The following GRIA3 variants were observed in gnomAD, a reference collection of about 807,000 sequenced individuals.
GRIA3 encodes the protein glutamate ionotropic receptor AMPA type subunit 3.
Under a neutral mutation model 63.0 loss-of-function variants are expected in GRIA3, and 3 were observed. The ratio of observed to expected loss-of-function variants is 0.05; its 90% CI spans 0.02 to 0.12. The LOEUF (loss-of-function observed/expected upper bound fraction) is 0.12. Among genes scored for constraint, GRIA3 ranks in the 10% least tolerant of loss-of-function variants. The probability of loss-of-function intolerance (pLI) is 1.00; values close to 1 mark genes in which losing one functional copy is unlikely to be tolerated. For synonymous variants in GRIA3, 274 were observed against 257.9 expected (o/e 1.06, Z -0.60); for missense variants, 347 against 700.9 (o/e 0.50, Z 5.70).
chrX:123,264,494 G>A (rs772393136), intron 3 of GRIA3, among the ~76,000 whole-genome samples: 1 of 111,365 alleles, frequency 9.0e-6, no homozygotes, highest in African/African-American at 3.3e-5. Flanking sequence ...GTTACAAAAA[G>A]CAGGAAAGGG....
chrX:123,281,067 T>C (rs777835337), intron 3 of GRIA3, among the ~76,000 whole-genome samples: 1 of 111,562 alleles, frequency 9.0e-6, no homozygotes, highest in South Asian at 3.8e-4. Context: ...ATTCTAGTTT[T>C]ACTATATTTG....
At chrX:123,329,470 C>T (rs1444848298) in intron 4 of GRIA3, among the ~76,000 whole-genome samples, 1 of 111,789 alleles carries the variant, frequency 8.9e-6, no homozygotes, top group Non-Finnish European at 1.9e-5. Flanking sequence ...CCCCAAACCT[C>T]TTTTTCTTTT....
intron 3 of GRIA3, among the ~76,000 whole-genome samples, chrX:123,292,829 C>A (rs1384096255): frequency 2.7e-5 from 3 of 111,064 alleles, no homozygotes; most frequent in Non-Finnish European, 3.8e-5. Flanking sequence ...AACTGTCTAC[C>A]AAATGTGATT....
intron 12 of GRIA3, among the ~76,000 whole-genome samples, chrX:123,446,607 G>A (rs1156794232): frequency 8.9e-6 from 1 of 112,465 alleles, no homozygotes; most frequent in Non-Finnish European, 1.9e-5. Context: ...ATTAAATCTT[G>A]CAAGTGACTT....
intron 11 of GRIA3, 31 bp downstream of exon 11, chrX:123,417,809 T>C (rs772350199): frequency 3.9e-4 from 443 of 1,136,140 alleles, no homozygotes; most frequent in Non-Finnish European, 5.1e-4. Flanking sequence ...CAATGCCTCA[T>C]TGCATTTTAT....
chrX:123,197,514 C>T (rs1192635830), intron 2 of GRIA3, among the ~76,000 whole-genome samples: 1 of 111,667 alleles, frequency 9.0e-6, no homozygotes, highest in African/African-American at 3.3e-5. Flanking sequence ...CAGAGTGAGA[C>T]TCCATCTCAA....
intron 2 of GRIA3, among the ~76,000 whole-genome samples, chrX:123,186,937 C>G (rs1449944215): frequency 8.9e-6 from 1 of 112,058 alleles, no homozygotes; most frequent in Non-Finnish European, 1.9e-5. Context: ...GGCTAATAGC[C>G]TGTTGGACAT....
At chrX:123,314,546 A>G (rs2044819407) in intron 3 of GRIA3, among the ~76,000 whole-genome samples, 1 of 112,056 alleles carries the variant, frequency 8.9e-6, no homozygotes, top group African/African-American at 3.2e-5. Flanking sequence ...GATGTTAAGT[A>G]AATCTACTCC....
chrX:123,426,818 T>C (rs1227497258), intron 11 of GRIA3, among the ~76,000 whole-genome samples: 1 of 112,497 alleles, frequency 8.9e-6, no homozygotes. Context: ...GTGGGTGCTG[T>C]TGAAGTAATG....
chrX:123,401,610 T>C (rs749793371), intron 7 of GRIA3, among the ~76,000 whole-genome samples: 61 of 112,188 alleles, frequency 5.4e-4, no homozygotes, highest in South Asian at 1.1e-3. Context: ...TGGACAATCA[T>C]CTTGTTTTCA....
intron 9 of GRIA3, 141 bp from the exon 10 acceptor site, chrX:123,404,567 C>T: frequency 2.2e-6 from 1 of 446,261 alleles, no homozygotes; most frequent in Non-Finnish European, 4.0e-6. Context: ...AATTAAAGCT[C>T]TTCTGTTTAC....
chrX:123,377,158 G>C (rs1247232251), intron 5 of GRIA3, among the ~76,000 whole-genome samples: 3 of 110,210 alleles, frequency 2.7e-5, no homozygotes, highest in South Asian at 3.9e-4. Context: ...GGATGGTCTC[G>C]ATCTCCTGAC....
intron 11 of GRIA3, among the ~76,000 whole-genome samples, chrX:123,418,520 G>A (rs762418889): frequency 2.7e-4 from 30 of 111,960 alleles, no homozygotes; most frequent in Non-Finnish European, 4.7e-4. Flanking sequence ...TAAAGGACTT[G>A]CATCCAGAAT....
At chrX:123,256,547 T>C (rs1311465146) in intron 3 of GRIA3, among the ~76,000 whole-genome samples, 1 of 111,397 alleles carries the variant, frequency 9.0e-6, no homozygotes, top group African/African-American at 3.3e-5. Context: ...GCAAAGGTCA[T>C]GTCGTATGGT....
intron 3 of GRIA3, among the ~76,000 whole-genome samples, chrX:123,290,186 A>G (rs766384170): frequency 3.9e-4 from 43 of 111,368 alleles, no homozygotes; most frequent in South Asian, 7.7e-4. Flanking sequence ...AATATTATCA[A>G]TTCATTACTT....
intron 5 of GRIA3, among the ~76,000 whole-genome samples, chrX:123,393,867 A>G (rs1239705377): frequency 8.9e-6 from 1 of 112,191 alleles, no homozygotes; most frequent in Non-Finnish European, 1.9e-5. Flanking sequence ...ACACATTAAT[A>G]GTAATTAGCA....
intron 2 of GRIA3, among the ~76,000 whole-genome samples, chrX:123,224,498 T>C (rs1487407776): frequency 1.8e-5 from 2 of 111,916 alleles, no homozygotes; most frequent in Non-Finnish European, 3.8e-5. Flanking sequence ...CTCTAACCTA[T>C]TCTCCTCGTT....
intron 3 of GRIA3, among the ~76,000 whole-genome samples, chrX:123,290,586 C>CTG (rs761564682): frequency 0.056 from 5,064 of 90,077 alleles, 150 homozygotes; most frequent in Non-Finnish European, 0.073. Flanking sequence ...CCTCAAAGGA[C>CTG]TGTGTGTGTG....
intron 12 of GRIA3, among the ~76,000 whole-genome samples, chrX:123,450,692 T>A (rs977858643): frequency 3.5e-5 from 4 of 112,677 alleles, no homozygotes; most frequent in Non-Finnish European, 5.6e-5. Flanking sequence ...ATCACTGTAG[T>A]GGGTGAGACA....
Sources: allele counts gnomAD v4.1 joint callset (sites outside exome capture counted in the v4.1 genomes callset), GRCh38; gene constraint gnomAD v4.1.1; transcripts MANE v1.5; gene names NCBI Gene and HGNC (gene_info 2026-07-23, HGNC 2026-07-21).